Variants in B4GALT5 observed in about 807,000 individuals in gnomAD.
B4GALT5 encodes beta-1,4-galactosyltransferase 5, also known as UDP-Gal:beta-GlcNAc beta-1,4-galactosyltransferase 5.
Under a neutral mutation model 45.0 loss-of-function variants are expected in B4GALT5, and 11 were observed. The observed-to-expected ratio is 0.24, with a 90% CI of 0.15 to 0.40. The LOEUF (loss-of-function observed/expected upper bound fraction) is 0.40, where lower values mean the gene tolerates loss of function less well. Among genes scored for constraint, B4GALT5 ranks in the 10% least tolerant of loss-of-function variants. The pLI, the probability that B4GALT5 is intolerant of heterozygous loss-of-function variation, is 1.00. For missense variants in B4GALT5, 337 were observed against 500.2 expected (o/e 0.67, Z 3.11); for synonymous variants, 185 against 182.9 (o/e 1.01, Z -0.09).
At chr20:49,676,213 G>A (rs1196030863) in intron 1 of B4GALT5, among the ~76,000 whole-genome samples, 1 of 152,140 alleles carries the variant, frequency 6.6e-6, no homozygotes, top group East Asian at 1.9e-4. Flanking sequence ...GTGTGTGTGT[G>A]TGTTACAGGA....
chr20:49,705,536 A>G (rs2085880232), intron 1 of B4GALT5, among the ~76,000 whole-genome samples: 1 of 152,132 alleles, frequency 6.6e-6, no homozygotes, highest in African/African-American at 2.4e-5. Context: ...CACCCCAAAG[A>G]CTGAAACTAT....
chr20:49,643,483 CA>C (rs769703631), intron 4 of B4GALT5, 42 bp downstream of exon 4: 30 of 1,609,072 alleles, frequency 1.9e-5, no homozygotes, highest in Non-Finnish European at 2.5e-5. Flanking sequence ...AGGCAAACCC[CA>C]GGTGGGCTTC....
intron 1 of B4GALT5, among the ~76,000 whole-genome samples, chr20:49,704,479 G>A (rs1311036022): frequency 1.3e-5 from 2 of 152,006 alleles, no homozygotes; most frequent in African/African-American, 4.8e-5. Context: ...CAGCACTTTG[G>A]GAGGCCGAGG....
chr20:49,696,229 A>C (rs1440028741), intron 1 of B4GALT5, among the ~76,000 whole-genome samples: 1 of 152,222 alleles, frequency 6.6e-6, no homozygotes, highest in Admixed American at 6.5e-5. Flanking sequence ...CTAGAGAAAA[A>C]TAATTACTAA....
intron 8 of B4GALT5, among the ~76,000 whole-genome samples, chr20:49,636,792 C>A (rs2085555676): frequency 6.6e-6 from 1 of 152,076 alleles, no homozygotes; most frequent in South Asian, 2.1e-4. Context: ...ATTAAAAATA[C>A]AACAGATGAG....
At chr20:49,638,004 T>TA (rs1238553297) in intron 7 of B4GALT5, among the ~76,000 whole-genome samples, 1 of 144,328 alleles carries the variant, frequency 6.9e-6, no homozygotes, top group Non-Finnish European at 1.5e-5. Flanking sequence ...GATTAATACT[T>TA]AGACACTTGT....
intron 1 of B4GALT5, among the ~76,000 whole-genome samples, chr20:49,706,165 A>C (rs1171994896): frequency 6.7e-6 from 1 of 150,258 alleles, no homozygotes; most frequent in Admixed American, 6.7e-5. Context: ...ATAGAACTCC[A>C]GTCTGGGCAA....
In B4GALT5 at chr20:49,634,871, C is replaced by G. The variant is rs2085544046; in HGVS notation, c.*1441G>C. 6.6e-6 allele frequency: 1 copy of G among 152,190 alleles called. No homozygotes were observed. The highest frequency in any genetic ancestry group is 2.4e-5 in the African/African-American group (1 of 41,414). The allele number at this position is 152,190 out of a possible 1,614,324, so 9.4% of individuals were successfully genotyped here. A position where few individuals can be genotyped will look rare whatever the true frequency, so the allele number is the denominator to read the frequency against. On this transcript the variant is annotated 3_prime_UTR_variant, in exon 9 of 9. Transcript: ENST00000371711. Reference sequence around the variant, plus strand: ...GACAGAGCCAGACCGTCTTAAAAAACAAAACAAAAAATAATATGACTTCAA... The same window carrying G: ...GACAGAGCCAGACCGTCTTAAAAAAGAAAACAAAAAATAATATGACTTCAA...
intron 1 of B4GALT5, among the ~76,000 whole-genome samples, chr20:49,663,690 A>ATATATATAT (rs1296656944): frequency 1.4e-4 from 14 of 96,942 alleles, no homozygotes; most frequent in African/African-American, 6.2e-4. Flanking sequence ...AAAAAAAAAA[A>ATATATATAT]ATATATACAT....
In B4GALT5 at chr20:49,713,724, G is replaced by C; in HGVS notation, c.-34C>G. ...CAGGCGGCCGCTAGAGAGCCAGGCC[G>C]GGCCTGCTCCCGCAGCTCCCCGTCC... is the stretch of plus-strand genomic sequence containing the variant. On this transcript the variant is annotated 5_prime_UTR_variant, in exon 1 of 9. Transcript: ENST00000371711. 2 of 959,946 alleles carry C rather than the reference G, an allele frequency of 2.1e-6. No homozygotes were observed. Among genetic ancestry groups the C allele is most frequent in the Non-Finnish European group, 2.8e-6 (2 of 719,454 alleles). The allele number at this position is 959,946 out of a possible 1,614,324, so 59.5% of individuals were successfully genotyped here.
intron 5 of B4GALT5, among the ~76,000 whole-genome samples, chr20:49,641,173 A>G (rs72626550): frequency 0.016 from 2,447 of 152,258 alleles, 40 homozygotes; most frequent in East Asian, 0.085. Flanking sequence ...TTAAAAATGT[A>G]AGTGATAGCA....
Position 49,636,469 on chromosome 20 carries a change from G to A in B4GALT5, c.1020-10C>T, listed in dbSNP as rs1348416574. 1 of 1,613,836 alleles carries A rather than the reference G, an allele frequency of 6.2e-7. No homozygotes were observed. Among genetic ancestry groups the A allele is most frequent in the Non-Finnish European group, 8.5e-7 (1 of 1,179,900 alleles). On this transcript the variant is annotated splice_polypyrimidine_tract_variant and intron_variant, in intron 8 of 8. Coordinates refer to ENST00000371711, the MANE Select transcript of B4GALT5 (RefSeq NM_004776.4). ...CCTCAGCAGAGCATACCTGTTTAGG[G>A]AGGGAACAGAGAAGAGGTGGCTCTG...
chr20:49,643,922 CTTTTTTTTT>C (rs138727530), intron 3 of B4GALT5, among the ~76,000 whole-genome samples: 3 of 52,182 alleles, frequency 5.7e-5, no homozygotes, highest in East Asian at 1.4e-3. Flanking sequence ...AGTAGCTGAG[CTTTTTTTTT>C]TTTTTTTTTT....
intron 1 of B4GALT5, among the ~76,000 whole-genome samples, chr20:49,661,609 A>G (rs1341420607): frequency 6.6e-6 from 1 of 152,238 alleles, no homozygotes; most frequent in African/African-American, 2.4e-5. Flanking sequence ...ACAGTTAAAA[A>G]AAACAATTTT....
chr20:49,652,864 G>C (rs1198529556), intron 2 of B4GALT5, among the ~76,000 whole-genome samples: 1 of 152,202 alleles, frequency 6.6e-6, no homozygotes, highest in Non-Finnish European at 1.5e-5. Flanking sequence ...GCAGAGGATG[G>C]TGCATAATCC....
At chr20:49,706,977 G>A (rs1440479358) in intron 1 of B4GALT5, among the ~76,000 whole-genome samples, 1 of 152,160 alleles carries the variant, frequency 6.6e-6, no homozygotes, top group Non-Finnish European at 1.5e-5. Context: ...CTCTAAAGAG[G>A]CATGGCAACA....
At chr20:49,680,489 A>G (rs1452147397) in intron 1 of B4GALT5, among the ~76,000 whole-genome samples, 4 of 152,264 alleles carry the variant, frequency 2.6e-5, no homozygotes, top group African/African-American at 9.6e-5. Flanking sequence ...TGCTAAGTGA[A>G]CTATGCCAGA....
At chr20:49,663,687 AAAAATATATACAT>A (rs1437636582) in intron 1 of B4GALT5, among the ~76,000 whole-genome samples, 2 of 104,580 alleles carry the variant, frequency 1.9e-5, no homozygotes, top group African/African-American at 7.8e-5. Flanking sequence ...AAAAAAAAAA[AAAAATATATACAT>A]ATATATATAT....
intron 1 of B4GALT5, among the ~76,000 whole-genome samples, chr20:49,666,953 T>C (rs905088266): frequency 1.3e-5 from 2 of 152,226 alleles, no homozygotes; most frequent in African/African-American, 4.8e-5. Context: ...TGAGTCCTTA[T>C]GTGCCAGCAC....
Sources: gnomAD v4.1 joint callset for allele counts (sites outside exome capture counted in the v4.1 genomes callset) on GRCh38, gnomAD v4.1.1 for gene constraint, MANE v1.5 for transcripts, NCBI Gene and HGNC (gene_info 2026-07-23, HGNC 2026-07-21) for gene names.